Variants in TNR observed in about 807,000 individuals in gnomAD.
TNR encodes the protein tenascin R.
TNR carries 45 observed loss-of-function variants against 150.4 expected under a neutral mutation model. The ratio of observed to expected loss-of-function variants is 0.30; its 90% CI spans 0.24 to 0.38. The LOEUF (loss-of-function observed/expected upper bound fraction) is 0.38, where lower values mean the gene tolerates loss of function less well. Among genes scored for constraint, TNR ranks in the 10% least tolerant of loss-of-function variants. The pLI is 1.00. For synonymous variants in TNR, 687 were observed against 678.4 expected (o/e 1.01, Z -0.20); for missense variants, 1,544 against 1,759.1 (o/e 0.88, Z 2.19).
At chr1:175,398,537 A>C (rs1198173302) in intron 4 of TNR, among the ~76,000 whole-genome samples, 1 of 152,186 alleles carries the variant, frequency 6.6e-6, no homozygotes, top group Non-Finnish European at 1.5e-5. Context: ...AGAAGAGTTG[A>C]TATTTAGAAC....
chr1:175,644,064 G>A (rs890681424), intron 1 of TNR, among the ~76,000 whole-genome samples: 1 of 152,178 alleles, frequency 6.6e-6, no homozygotes, highest in Non-Finnish European at 1.5e-5. Context: ...ACTTTAAAAA[G>A]TCAAAGTACA....
chr1:175,657,455 C>A (rs1005516580), intron 1 of TNR, among the ~76,000 whole-genome samples: 9 of 152,042 alleles, frequency 5.9e-5, no homozygotes, highest in Admixed American at 3.9e-4. Flanking sequence ...ATGCTGCTAT[C>A]AAGACACATG....
At chr1:175,480,416 G>A (rs4989524) in intron 2 of TNR, among the ~76,000 whole-genome samples, 18 of 86,022 alleles carry the variant, frequency 2.1e-4, no homozygotes, top group African/African-American at 7.4e-4. Flanking sequence ...AAGAAAGAAA[G>A]AAAAAAGAAA....
chr1:175,416,725 T>A (rs969544720), intron 2 of TNR, among the ~76,000 whole-genome samples: 1 of 152,044 alleles, frequency 6.6e-6, no homozygotes, highest in Non-Finnish European at 1.5e-5. Flanking sequence ...ATATAAGAAG[T>A]GGGCCGGGTG....
intron 1 of TNR, among the ~76,000 whole-genome samples, chr1:175,565,590 G>T (rs1001904553): frequency 1.3e-5 from 2 of 152,160 alleles, no homozygotes; most frequent in Non-Finnish European, 2.9e-5. Context: ...TACATTGTTG[G>T]CATAATACTT....
At chr1:175,523,038 A>G (rs998509263) in intron 2 of TNR, among the ~76,000 whole-genome samples, 1 of 152,242 alleles carries the variant, frequency 6.6e-6, no homozygotes. Flanking sequence ...CGTGGGTCCC[A>G]TCATGCAGCG....
At chr1:175,426,126 T>C (rs932601666) in intron 2 of TNR, among the ~76,000 whole-genome samples, 2 of 152,216 alleles carry the variant, frequency 1.3e-5, no homozygotes, top group South Asian at 2.1e-4. Context: ...GCGCAGCGTC[T>C]GTATTCTTCT....
Position 175,331,063 on chromosome 1 carries a change from T to TTCTTTCTTTCCTTC in TNR, c.3632-829_3632-828insGAAGGAAAGAAAGA, listed in dbSNP as rs1557867862. Among the ~76,000 whole-genome samples, 75 of 127,998 alleles carry TTCTTTCTTTCCTTC rather than the reference T, an allele frequency of 5.9e-4. 2 individuals carry two copies. The highest frequency in any genetic ancestry group is 8.8e-4 in the Admixed American group (11 of 12,508). The allele number at this position is 127,998 out of a possible 152,430, so 84.0% of individuals were successfully genotyped here. A position where few individuals can be genotyped will look rare whatever the true frequency, so the allele number is the denominator to read the frequency against. Reference sequence around the variant, plus strand: ...TTTCTTTCTTTCTTTCTTTCTTTCTTTCTTTCTTTCTTTCCTTCTTTCTTT... The same window carrying TTCTTTCTTTCCTTC: ...TTTCTTTCTTTCTTTCTTTCTTTCTTTCTTTCTTTCCTTCTCTTTCTTTCTTTCCTTCTTTCTTT... On this transcript the variant is annotated intron_variant, in intron 20 of 22. Transcript: ENST00000367674.
intron 1 of TNR, among the ~76,000 whole-genome samples, chr1:175,601,077 T>C (rs372265898): frequency 3.3e-5 from 5 of 152,258 alleles, no homozygotes; most frequent in African/African-American, 1.2e-4. Flanking sequence ...TACAGATTTA[T>C]ATGTGTGCCA....
intron 2 of TNR, among the ~76,000 whole-genome samples, chr1:175,407,551 T>G (rs1654020056): frequency 6.6e-6 from 1 of 152,216 alleles, no homozygotes; most frequent in Non-Finnish European, 1.5e-5. Context: ...TACAGAAATT[T>G]TATTCCTTTT....
At chr1:175,348,602 T>C (rs1650908253) in intron 18 of TNR, among the ~76,000 whole-genome samples, 1 of 151,838 alleles carries the variant, frequency 6.6e-6, no homozygotes, top group Admixed American at 6.6e-5. Context: ...GAATAGGGAG[T>C]TCAGAGGTCA....
At chr1:175,371,814 G>A (rs1571350783) in intron 9 of TNR, among the ~76,000 whole-genome samples, 1 of 152,182 alleles carries the variant, frequency 6.6e-6, no homozygotes, top group Admixed American at 6.5e-5. Context: ...GTTATTTTCT[G>A]ACTCATGATA....
At chr1:175,402,462 T>A (rs1653758082) in intron 4 of TNR, among the ~76,000 whole-genome samples, 1 of 152,022 alleles carries the variant, frequency 6.6e-6, no homozygotes, top group Non-Finnish European at 1.5e-5. Context: ...TTGGTTCTAA[T>A]TTGCTAGATA....
At chr1:175,447,050 C>T (rs36037377) in intron 2 of TNR, among the ~76,000 whole-genome samples, 33,146 of 152,114 alleles carry the variant, frequency 0.22, 4,849 homozygotes, top group African/African-American at 0.42. Flanking sequence ...TGTGTGTTTG[C>T]GTGTATGTGC....
intron 1 of TNR, among the ~76,000 whole-genome samples, chr1:175,539,780 C>A (rs1660431547): frequency 6.6e-6 from 1 of 152,222 alleles, no homozygotes; most frequent in Non-Finnish European, 1.5e-5. Flanking sequence ...ACTCCTACAA[C>A]TACCATTAGG....
At chr1:175,492,525 T>C (rs1658302021) in intron 2 of TNR, among the ~76,000 whole-genome samples, 1 of 152,188 alleles carries the variant, frequency 6.6e-6, no homozygotes, top group Admixed American at 6.5e-5. Context: ...ATGAGAAGCA[T>C]ACACCTAGAA....
intron 1 of TNR, among the ~76,000 whole-genome samples, chr1:175,695,538 T>C (rs1666489685): frequency 6.6e-6 from 1 of 152,212 alleles, no homozygotes; most frequent in South Asian, 2.1e-4. Context: ...GAGTCTATTC[T>C]TCTAGGCTAA....
At chr1:175,570,431 G>T (rs777507574) in intron 1 of TNR, among the ~76,000 whole-genome samples, 2 of 152,118 alleles carry the variant, frequency 1.3e-5, no homozygotes, top group African/African-American at 2.4e-5. Flanking sequence ...GAGGGTGTGT[G>T]GGGGGTGTTC....
At chr1:175,561,019 C>T (rs1361860843) in intron 1 of TNR, among the ~76,000 whole-genome samples, 1 of 152,204 alleles carries the variant, frequency 6.6e-6, no homozygotes, top group African/African-American at 2.4e-5. Flanking sequence ...CTTTAACGTT[C>T]CCCAAGCAGT....
Sources: gnomAD v4.1 joint callset for allele counts (sites outside exome capture counted in the v4.1 genomes callset) on GRCh38, gnomAD v4.1.1 for gene constraint, MANE v1.5 for transcripts, NCBI Gene and HGNC (gene_info 2026-07-23, HGNC 2026-07-21) for gene names.